Variants in SBF2 observed in about 807,000 individuals in gnomAD.
SBF2 encodes myotubularin-related protein 13.
In SBF2, 112 loss-of-function variants were observed where a neutral mutation model predicts 225.2. That is an observed-to-expected ratio of 0.50 (90% CI 0.43 to 0.58). The LOEUF (loss-of-function observed/expected upper bound fraction) is 0.58. Ranked by LOEUF, SBF2 falls within the 20% of genes least tolerant of loss-of-function variation. The pLI is 0.00. For synonymous variants in SBF2, 763 were observed against 773.3 expected (o/e 0.99, Z 0.22); for missense variants, 1,996 against 2,206.2 (o/e 0.90, Z 1.91).
At chr11:9,781,665 TATAAG>T in intron 38 of SBF2, 27 bp from the exon 39 acceptor site, 8 of 1,614,022 alleles carry the variant, frequency 5.0e-6, no homozygotes, top group Non-Finnish European at 6.8e-6. Flanking sequence ...ACAAGTGAGA[TATAAG>T]AGACAGAAAG....
At chr11:10,187,871 C>T (rs929197572) in intron 2 of SBF2, among the ~76,000 whole-genome samples, 1 of 152,158 alleles carries the variant, frequency 6.6e-6, no homozygotes, top group Non-Finnish European at 1.5e-5. Context: ...GATTTCAGAA[C>T]AGACAGGACA....
intron 14 of SBF2, among the ~76,000 whole-genome samples, 167 bp downstream of exon 14, chr11:9,968,174 T>C (rs1215592103): frequency 6.6e-6 from 1 of 151,902 alleles, no homozygotes; most frequent in African/African-American, 2.4e-5. Context: ...TGATTACCCT[T>C]TTTGGGAGGC....
chr11:10,113,578 T>C (rs969943278), intron 2 of SBF2, among the ~76,000 whole-genome samples: 5 of 152,150 alleles, frequency 3.3e-5, no homozygotes, highest in Admixed American at 6.5e-5. Flanking sequence ...TATTTCACTA[T>C]AAAGACTAAA....
intron 1 of SBF2, among the ~76,000 whole-genome samples, chr11:10,246,321 G>C (rs779212278): frequency 1.8e-4 from 27 of 151,978 alleles, no homozygotes; most frequent in Non-Finnish European, 8.8e-5. Flanking sequence ...TTTCACTCTT[G>C]TCACCGAGGT....
chr11:10,185,520 T>G (rs1956902165), intron 2 of SBF2, among the ~76,000 whole-genome samples: 4 of 151,980 alleles, frequency 2.6e-5, no homozygotes, highest in Admixed American at 2.6e-4. Flanking sequence ...GTGGTGCAAA[T>G]CATAGCTCAC....
intron 2 of SBF2, among the ~76,000 whole-genome samples, chr11:10,181,635 A>G (rs1282070559): frequency 1.3e-5 from 2 of 152,138 alleles, no homozygotes; most frequent in East Asian, 3.8e-4. Context: ...AAAAGAGGTC[A>G]GAAATATTCC....
rs192634545 is a variant in SBF2 at position 9,898,275 on chromosome 11, G to C, written c.1861-2264C>G. Among the ~76,000 whole-genome samples, 443 of 152,254 alleles carry C rather than the reference G, an allele frequency of 2.9e-3. 3 individuals carry two copies. The highest frequency in any genetic ancestry group is 0.01 in the African/African-American group (434 of 41,556). Reference sequence around the variant, plus strand: ...TCTAGCCTGAGTGCTTTTGGTACTAGGATCAGCTAAAAGAGTTTTCAATTG... The same window carrying C: ...TCTAGCCTGAGTGCTTTTGGTACTACGATCAGCTAAAAGAGTTTTCAATTG... On this transcript the variant is annotated intron_variant, in intron 16 of 39. Coordinates refer to ENST00000256190, the MANE Select transcript of SBF2 (RefSeq NM_030962.4).
Position 9,856,496 on chromosome 11 carries a change from A to G in SBF2, c.2325T>C (p.Gly775=). Residue 775 remains glycine (G), a synonymous_variant, in exon 19 of 40, where the codon GGT becomes GGC. Transcript: ENST00000256190. ...KNKLLRTSAP[G]DWESGSNSIV... ...TGCTGTTGCTTCCGCTCTCCCAGTC[A>G]CCTGGCGCTGATGTTCTTAGGAGCT... 4.3e-6 allele frequency: 7 copies of G among 1,614,112 alleles called. No homozygotes were observed. The highest frequency in any genetic ancestry group is 5.1e-6 in the Non-Finnish European group (6 of 1,180,022).
In SBF2 at chr11:9,812,552, C is replaced by G. The variant is rs1235302192; in HGVS notation, c.4135G>C (p.Asp1379His). The change falls in exon 30 of 40, where the codon GAT (aspartate) becomes CAT (histidine). Residue 1379 changes from aspartate to histidine, a missense_variant. Coordinates refer to ENST00000256190, the MANE Select transcript of SBF2 (RefSeq NM_030962.4). ...SEVTFLKALG[D>H]SEWFPQLHRI... The stretch of plus-strand genomic sequence containing the variant: ...ATTACCTGTGGGAACCACTCAGAAT[C>G]TCCCAGCGCTTTCAGGAAGGTCACT... 6.2e-7 allele frequency: 1 copy of G among 1,614,226 alleles called. No homozygotes were observed. Among genetic ancestry groups the G allele is most frequent in the Admixed American group, 1.7e-5 (1 of 60,026 alleles).
chr11:10,242,858 G>C (rs953487064), intron 1 of SBF2, among the ~76,000 whole-genome samples: 3 of 152,164 alleles, frequency 2.0e-5, no homozygotes, highest in African/African-American at 7.2e-5. Context: ...AGATCTGCAG[G>C]AGAAATAGAT....
chr11:10,049,629 T>C (rs1317688085), intron 2 of SBF2, among the ~76,000 whole-genome samples: 1 of 152,088 alleles, frequency 6.6e-6, no homozygotes, highest in East Asian at 1.9e-4. Flanking sequence ...TTAGTTGTAA[T>C]TTCTAATATA....
chr11:10,250,311 G>A (rs1205616889), intron 1 of SBF2, among the ~76,000 whole-genome samples: 1 of 152,170 alleles, frequency 6.6e-6, no homozygotes, highest in Non-Finnish European at 1.5e-5. Context: ...CACCTAAATT[G>A]TAGAAACAAG....
intron 17 of SBF2, among the ~76,000 whole-genome samples, chr11:9,868,337 C>CAAAAAAAAAAAAAA (rs35348349): frequency 7.6e-5 from 2 of 26,370 alleles, no homozygotes; most frequent in Non-Finnish European, 5.5e-5. Flanking sequence ...TACAAAAATA[C>CAAAAAAAAAAAAAA]AAAAAAAAAA....
intron 1 of SBF2, among the ~76,000 whole-genome samples, chr11:10,237,446 G>C (rs1051401902): frequency 8.5e-5 from 13 of 152,112 alleles, no homozygotes; most frequent in Admixed American, 2.6e-4. Flanking sequence ...GGCTACCCTA[G>C]GGAACCTAAA....
chr11:10,262,288 A>C (rs1256546790), intron 1 of SBF2, among the ~76,000 whole-genome samples: 2 of 152,206 alleles, frequency 1.3e-5, no homozygotes, highest in Non-Finnish European at 2.9e-5. Context: ...TTAATTGTAC[A>C]AAGTGTAGGT....
At chr11:10,038,991 T>A (rs1366007527) in intron 3 of SBF2, among the ~76,000 whole-genome samples, 1 of 151,902 alleles carries the variant, frequency 6.6e-6, no homozygotes, top group African/African-American at 2.4e-5. Flanking sequence ...TAGGATCACA[T>A]TACCTAGTTG....
chr11:9,975,436 CA>C (rs534780619), intron 13 of SBF2, among the ~76,000 whole-genome samples: 415 of 152,130 alleles, frequency 2.7e-3, no homozygotes, highest in Admixed American at 5.2e-3. Flanking sequence ...ACTATACAGA[CA>C]AAAAAATTGA....
intron 2 of SBF2, among the ~76,000 whole-genome samples, chr11:10,159,209 G>A (rs1714239778): frequency 6.6e-6 from 1 of 152,152 alleles, no homozygotes; most frequent in South Asian, 2.1e-4. Context: ...GGCGTAGGCT[G>A]AACTAACTTT....
intron 3 of SBF2, among the ~76,000 whole-genome samples, chr11:10,034,220 A>G (rs879657721): frequency 1.3e-5 from 2 of 152,198 alleles, no homozygotes; most frequent in African/African-American, 4.8e-5. Flanking sequence ...CCATTTGTAG[A>G]TATCTTTGCC....
Sources: allele counts gnomAD v4.1 joint callset (sites outside exome capture counted in the v4.1 genomes callset), GRCh38; gene constraint gnomAD v4.1.1; transcripts MANE v1.5; gene names NCBI Gene and HGNC (gene_info 2026-07-23, HGNC 2026-07-21).